UNC93A: variants seen among roughly 807,000 people sequenced by gnomAD.
UNC93A encodes unc-93 homolog A.
In UNC93A, 43 loss-of-function variants were observed where a neutral mutation model predicts 47.5. The observed-to-expected ratio is 0.91, with a 90% CI of 0.71 to 1.17. The LOEUF (loss-of-function observed/expected upper bound fraction) is 1.17. Among genes scored for constraint, UNC93A ranks in the 50% most tolerant of loss-of-function variants. UNC93A has a pLI of 0.00. For synonymous variants in UNC93A, 280 were observed against 258.0 expected (o/e 1.09, Z -0.82); for missense variants, 605 against 577.6 (o/e 1.05, Z -0.49).
upstream of UNC93A, among the ~76,000 whole-genome samples, chr6:167,288,982 A>T (rs147232154): frequency 3.0e-4 from 45 of 152,414 alleles, no homozygotes; most frequent in African/African-American, 1.0e-3. Flanking sequence ...AAGCTGATAG[A>T]GCCCAGATGT....
At position 167,307,840 on chromosome 6, in the gene UNC93A, T is replaced by G; in HGVS notation, c.1038T>G (p.His346Gln). 6.2e-7 allele frequency: 1 copy of G among 1,614,090 alleles called. No homozygotes were observed. Among genetic ancestry groups the G allele is most frequent in the Non-Finnish European group, 8.5e-7 (1 of 1,179,964 alleles). Residue 346 changes from histidine to glutamine, a missense_variant, in exon 7 of 8, where the codon CAT becomes CAG. By Grantham distance (24) the His-to-Gln change is conservative. Transcript: ENST00000230256. ...ALLLWRPRAD[H>Q]LAVFFVFSGL... ...TGCTGTGGAGACCTCGTGCTGACCATCTGGCAGTGTTCTTCGTATTCTCTG... is the reference window on the plus strand; with the variant it reads ...TGCTGTGGAGACCTCGTGCTGACCAGCTGGCAGTGTTCTTCGTATTCTCTG...
chr6:167,278,980 G>T (rs1249308956), intron 1 of UNC93A, among the ~76,000 whole-genome samples: 2 of 152,214 alleles, frequency 1.3e-5, no homozygotes, highest in Admixed American at 6.5e-5. Context: ...TAACTTTGAC[G>T]AAAATCTTTT....
At chr6:167,275,167 C>A (rs750598283) in intron 1 of UNC93A, among the ~76,000 whole-genome samples, 2 of 152,128 alleles carry the variant, frequency 1.3e-5, no homozygotes, top group Admixed American at 6.5e-5. Flanking sequence ...ACTCTTCTCA[C>A]TTCACACTGA....
chr6:167,307,657 G>C (rs1778437977), intron 6 of UNC93A, 122 bp from the exon 7 acceptor site: 12 of 1,259,034 alleles, frequency 9.5e-6, no homozygotes, highest in Middle Eastern at 2.1e-4. Flanking sequence ...GGTTGAGACG[G>C]TTCCAGAGGA....
intron 7 of UNC93A, among the ~76,000 whole-genome samples, chr6:167,310,076 G>T (rs1283456647): frequency 9.2e-5 from 14 of 152,166 alleles, no homozygotes; most frequent in Non-Finnish European, 2.1e-4. Flanking sequence ...TCACCTCGCT[G>T]CAGGACTCTT....
At chr6:167,304,850 A>T (rs1025685872) in intron 5 of UNC93A, among the ~76,000 whole-genome samples, 1 of 152,228 alleles carries the variant, frequency 6.6e-6, no homozygotes, top group Non-Finnish European at 1.5e-5. Flanking sequence ...GATTACAGGC[A>T]TGAGCCACTG....
chr6:167,277,525 C>T (rs1407466712), intron 1 of UNC93A, among the ~76,000 whole-genome samples: 1 of 152,140 alleles, frequency 6.6e-6, no homozygotes, highest in Non-Finnish European at 1.5e-5. Context: ...AGGGCAAATC[C>T]AAGGGCAGAA....
chr6:167,286,455 A>G (rs1783734614), upstream of UNC93A, among the ~76,000 whole-genome samples: 1 of 152,232 alleles, frequency 6.6e-6, no homozygotes, highest in African/African-American at 2.4e-5. Context: ...ACTCGCTGAG[A>G]TTTTAGAAGC....
upstream of UNC93A, among the ~76,000 whole-genome samples, chr6:167,290,987 T>C (rs917563259): frequency 2.0e-5 from 3 of 152,216 alleles, no homozygotes; most frequent in Non-Finnish European, 4.4e-5. Context: ...ACGTTAGCTC[T>C]TTTTCAGAAG....
intron 4 of UNC93A, among the ~76,000 whole-genome samples, chr6:167,300,449 G>A (rs1277318317): frequency 1.3e-5 from 2 of 152,096 alleles, no homozygotes. Context: ...GAGTGTGGCA[G>A]GGCCCCTAGG....
chr6:167,269,777 TTG>T (rs1169850514), upstream of UNC93A, among the ~76,000 whole-genome samples: 4 of 151,612 alleles, frequency 2.6e-5, no homozygotes, highest in African/African-American at 7.3e-5. Flanking sequence ...TGGCTTTTTT[TTG>T]TGTGTGTGTG....
intron 7 of UNC93A, among the ~76,000 whole-genome samples, chr6:167,308,212 T>C (rs1778456834): frequency 1.3e-5 from 2 of 152,342 alleles, no homozygotes; most frequent in South Asian, 4.1e-4. Context: ...CAAGACTCTC[T>C]ACCCCTAGGA....
chr6:167,273,322 C>T (rs2115067849), intron 1 of UNC93A, among the ~76,000 whole-genome samples: 1 of 152,266 alleles, frequency 6.6e-6, no homozygotes. Context: ...GAAGCCCACC[C>T]TGAGCTCAGG....
chr6:167,277,173 A>C (rs1783557767), intron 1 of UNC93A, among the ~76,000 whole-genome samples: 1 of 152,228 alleles, frequency 6.6e-6, no homozygotes, highest in African/African-American at 2.4e-5. Flanking sequence ...TTGACTGGTC[A>C]CCAGTGACAT....
At chr6:167,313,151 C>T (rs936900961) in intron 7 of UNC93A, among the ~76,000 whole-genome samples, 4 of 152,180 alleles carry the variant, frequency 2.6e-5, no homozygotes, top group African/African-American at 9.7e-5. Context: ...TTGGCCTCCT[C>T]CATTCTGTTT....
upstream of UNC93A, among the ~76,000 whole-genome samples, chr6:167,287,508 A>G (rs1005746830): frequency 1.3e-5 from 2 of 152,154 alleles, no homozygotes; most frequent in African/African-American, 4.8e-5. Context: ...CTTCTGTGAG[A>G]ATGGAGACCC....
chr6:167,304,025 T>G lies in UNC93A; in HGVS notation c.732T>G (p.Thr244=). The change falls in exon 5 of 8, where the codon ACT becomes ACG. Residue 244 remains threonine, a synonymous_variant. Transcript: ENST00000230256. ...AGAAATCAGTACCTTTCTGGTCCAC[T>G]TTACTGTCGACTTTCAAGCTATATA... ...GEKKSVPFWS[T]LLSTFKLYRD... The G allele has an allele frequency of 6.2e-7, 1 of 1,613,998 alleles. No individual in the cohort carries two copies. Among genetic ancestry groups the G allele is most frequent in the South Asian group, 1.1e-5 (1 of 91,068 alleles).
intron 1 of UNC93A, among the ~76,000 whole-genome samples, chr6:167,279,646 C>T (rs568261891): frequency 9.8e-5 from 15 of 152,300 alleles, no homozygotes; most frequent in African/African-American, 3.1e-4. Flanking sequence ...AAAACATATT[C>T]TTTCCTTGTT....
At chr6:167,290,050 A>G (rs1391017748), upstream of UNC93A, among the ~76,000 whole-genome samples, 2 of 152,294 alleles carry the variant, frequency 1.3e-5, no homozygotes, top group African/African-American at 2.4e-5. Flanking sequence ...GGCTTTCAAA[A>G]TTATCCAAGT....
Sources: gnomAD v4.1 joint callset for allele counts (sites outside exome capture counted in the v4.1 genomes callset) on GRCh38, gnomAD v4.1.1 for gene constraint, MANE v1.5 for transcripts, NCBI Gene and HGNC (gene_info 2026-07-23, HGNC 2026-07-21) for gene names.